Variants in INPP4B observed in about 807,000 individuals in gnomAD.
INPP4B encodes inositol polyphosphate-4-phosphatase type II B, also known as inositol polyphosphate 4-phosphatase type II.
INPP4B carries 55 observed loss-of-function variants against 122.5 expected under a neutral mutation model. The ratio of observed to expected loss-of-function variants is 0.45; its 90% CI spans 0.36 to 0.56. The LOEUF (loss-of-function observed/expected upper bound fraction) is 0.56. Among genes scored for constraint, INPP4B ranks in the 20% least tolerant of loss-of-function variants. The pLI is 0.00. For missense variants in INPP4B, 1,000 were observed against 1,097.7 expected, an observed-to-expected ratio of 0.91 and a Z score of 1.26; for synonymous variants, 403 against 388.7, an observed-to-expected ratio of 1.04 and a Z score of -0.43.
chr4:142,505,801 A>C (rs183657110), intron 2 of INPP4B, among the ~76,000 whole-genome samples: 23 of 152,250 alleles, frequency 1.5e-4, no homozygotes, highest in African/African-American at 4.8e-4. Context: ...AAGAAAGTTA[A>C]AATCCTTAGC....
rs539075387 is a variant in INPP4B, at chr4:142,652,915, AG to A, written c.-191+72923del. Among the ~76,000 whole-genome samples, 183 of 152,342 alleles carry A rather than the reference AG, an allele frequency of 1.2e-3. No individual in the cohort carries two copies. The Middle Eastern group carries it at 0.017, about 14-fold the overall frequency. ...AGCCTGCATTGCCAAGACAATCCTA[AG>A]ACAATCCTAAGCAAAAGGTACAAAG... On this transcript the variant is annotated intron_variant, in intron 2 of 25. Coordinates refer to ENST00000262992, the MANE Select transcript of INPP4B (RefSeq NM_001101669.3).
At chr4:142,654,367 T>TAAAAAAAA (rs10677341) in intron 2 of INPP4B, 60 of 100,892 alleles carry the variant, frequency 5.9e-4, no homozygotes, top group Non-Finnish European at 6.8e-4. Flanking sequence ...ACTTAAAGTA[T>TAAAAAAAA]AAAAAAAAAA....
intron 1 of INPP4B, among the ~76,000 whole-genome samples, chr4:142,816,896 G>T (rs576450940): frequency 6.6e-6 from 1 of 152,184 alleles, no homozygotes; most frequent in Non-Finnish European, 1.5e-5. Context: ...GAGTTTTGTG[G>T]GGAAGTGTTC....
rs866415106 is a variant in INPP4B at position 142,514,796 on chromosome 4, T to C, written c.-190-52070A>G. ...CCCCTGCACACACCATGATTTCTTT[T>C]TTTTTTTTTTTTTTTTTGAGACGAA... is the stretch of plus-strand genomic sequence containing the variant. On this transcript the variant is annotated intron_variant, in intron 2 of 25. Coordinates refer to ENST00000262992, the MANE Select transcript of INPP4B (RefSeq NM_001101669.3). Among the ~76,000 whole-genome samples, 51 of 130,690 alleles carry C rather than the reference T, an allele frequency of 3.9e-4. 1 individual carries two copies. The highest frequency in any genetic ancestry group is 1.4e-3 in the African/African-American group (48 of 35,316). 85.7% of individuals were successfully genotyped at this position (130,690 alleles called of 152,430 possible). A position where few individuals can be genotyped will look rare whatever the true frequency, so the allele number is the denominator to read the frequency against.
chr4:142,717,146 T>A (rs1325376759), intron 2 of INPP4B, among the ~76,000 whole-genome samples: 3 of 152,144 alleles, frequency 2.0e-5, no homozygotes, highest in African/African-American at 7.2e-5. Context: ...GTAAAAGTAC[T>A]GATAGAGTGG....
chr4:142,247,741 G>T (rs1057509982), intron 11 of INPP4B, among the ~76,000 whole-genome samples: 2 of 152,036 alleles, frequency 1.3e-5, no homozygotes, highest in Admixed American at 6.6e-5. Flanking sequence ...CAAAAAACCA[G>T]CTCCTGGATT....
At chr4:142,352,062 CT>C (rs1323806875) in intron 7 of INPP4B, among the ~76,000 whole-genome samples, 1 of 151,864 alleles carries the variant, frequency 6.6e-6, no homozygotes, top group African/African-American at 2.4e-5. Context: ...AATGAATTTC[CT>C]GATGGGGTGT....
intron 2 of INPP4B, among the ~76,000 whole-genome samples, chr4:142,541,811 T>A (rs1351356298): frequency 3.9e-5 from 6 of 152,112 alleles, no homozygotes; most frequent in African/African-American, 1.4e-4. Context: ...TGTAACGTTC[T>A]CAGCTCCAGC....
At chr4:142,254,501 G>C (rs1320599760) in intron 11 of INPP4B, among the ~76,000 whole-genome samples, 1 of 152,152 alleles carries the variant, frequency 6.6e-6, no homozygotes, top group Non-Finnish European at 1.5e-5. Context: ...ATACAGAGAA[G>C]TGCTTAAAGG....
At chr4:142,590,881 CA>C (rs59459819) in intron 2 of INPP4B, among the ~76,000 whole-genome samples, 45,493 of 93,228 alleles carry the variant, frequency 0.49, 6,579 homozygotes, top group East Asian at 0.63. Context: ...TATCATTCTC[CA>C]AAAAAAAAAA....
At chr4:142,160,252 T>C in intron 17 of INPP4B, 106 bp downstream of exon 17, 1 of 825,502 alleles carries the variant, frequency 1.2e-6, no homozygotes, top group South Asian at 4.3e-5. Context: ...ATCAGTGTTA[T>C]AACTTTTTTT....
At chr4:142,337,417 C>T (rs986377509) in intron 7 of INPP4B, among the ~76,000 whole-genome samples, 7 of 151,592 alleles carry the variant, frequency 4.6e-5, no homozygotes, top group African/African-American at 1.7e-4. Context: ...TATTATTTAC[C>T]CTTGAACCAT....
chr4:142,794,543 C>T lies in INPP4B; in HGVS notation c.-254+51666G>A, dbSNP rs202169405. Among the ~76,000 whole-genome samples the T allele has an allele frequency of 4.0e-5, 6 of 151,886 alleles. No homozygotes were observed. In the East Asian group the frequency reaches 1.2e-3, roughly 29 times the overall value. On this transcript the variant is annotated intron_variant, in intron 1 of 25. Transcript: ENST00000262992. ...TTACAATTTTAAAAAAACAAGAGAACATAATATACTTAATGCTCTAGGGTA... is the reference window on the plus strand; with the variant it reads ...TTACAATTTTAAAAAAACAAGAGAATATAATATACTTAATGCTCTAGGGTA...
At chr4:142,398,239 G>T (rs1394779273) in intron 7 of INPP4B, among the ~76,000 whole-genome samples, 2 of 150,244 alleles carry the variant, frequency 1.3e-5, no homozygotes, top group Admixed American at 1.3e-4. Flanking sequence ...TTAGCCAGGC[G>T]TGGTGGCGGG....
intron 2 of INPP4B, among the ~76,000 whole-genome samples, chr4:142,651,640 G>A (rs531593905): frequency 6.6e-6 from 1 of 152,076 alleles, no homozygotes; most frequent in Non-Finnish European, 1.5e-5. Context: ...ATAAGTTCCT[G>A]GACACATACA....
At chr4:142,641,068 C>T (rs1432897990) in intron 2 of INPP4B, among the ~76,000 whole-genome samples, 1 of 151,954 alleles carries the variant, frequency 6.6e-6, no homozygotes, top group Non-Finnish European at 1.5e-5. Flanking sequence ...TAATTGCACT[C>T]CTAGGTATAA....
intron 2 of INPP4B, among the ~76,000 whole-genome samples, chr4:142,551,417 A>G (rs1283186155): frequency 6.6e-6 from 1 of 152,194 alleles, no homozygotes; most frequent in African/African-American, 2.4e-5. Flanking sequence ...AATAAAAGGG[A>G]GGAGAGAGGG....
At chr4:142,053,853 A>ACTT (rs1291846194) in intron 25 of INPP4B, among the ~76,000 whole-genome samples, 1 of 152,024 alleles carries the variant, frequency 6.6e-6, no homozygotes, top group African/African-American at 2.4e-5. Flanking sequence ...TCTCTAATCC[A>ACTT]CTTCAGGCCT....
At chr4:142,385,261 G>A (rs1795574422) in intron 7 of INPP4B, among the ~76,000 whole-genome samples, 1 of 151,990 alleles carries the variant, frequency 6.6e-6, no homozygotes, top group Non-Finnish European at 1.5e-5. Flanking sequence ...CTGCAACATT[G>A]CCAGCATCTG....
Sources: gnomAD v4.1 joint callset for allele counts (sites outside exome capture counted in the v4.1 genomes callset) on GRCh38, gnomAD v4.1.1 for gene constraint, MANE v1.5 for transcripts, NCBI Gene and HGNC (gene_info 2026-07-23, HGNC 2026-07-21) for gene names.